The following LRMDA variants were observed in gnomAD, a reference collection of about 807,000 sequenced individuals.
The protein encoded by LRMDA is leucine-rich melanocyte differentiation-associated protein.
LRMDA carries 18 observed loss-of-function variants against 29.8 expected under a neutral mutation model. The ratio of observed to expected loss-of-function variants is 0.60; its 90% CI spans 0.42 to 0.90. The LOEUF (loss-of-function observed/expected upper bound fraction) is 0.90. Ranked by LOEUF, LRMDA falls within the 40% of genes least tolerant of loss-of-function variation. The pLI is 0.00. For missense variants in LRMDA, 273 were observed against 273.9 expected (o/e 1.00, Z 0.02); for synonymous variants, 125 against 109.4 (o/e 1.14, Z -0.89).
chr10:76,282,241 C>A (rs984743833), intron 5 of LRMDA, among the ~76,000 whole-genome samples: 1 of 152,124 alleles, frequency 6.6e-6, no homozygotes, highest in African/African-American at 2.4e-5. Context: ...CCTTGCAGTT[C>A]TATTTGGTTT....
chr10:76,000,365 T>TC (rs1233551594), intron 2 of LRMDA, among the ~76,000 whole-genome samples: 1 of 152,080 alleles, frequency 6.6e-6, no homozygotes, highest in Non-Finnish European at 1.5e-5. Flanking sequence ...GCCATCAGCC[T>TC]CCCTCCCGGT....
At chr10:75,610,064 T>C (rs146102603) in intron 2 of LRMDA, among the ~76,000 whole-genome samples, 337 of 152,288 alleles carry the variant, frequency 2.2e-3, no homozygotes, top group Non-Finnish European at 3.8e-3. Flanking sequence ...CTGGTGAACA[T>C]ACTTAATTTT....
At chr10:76,130,728 C>T (rs1849975873) in intron 5 of LRMDA, among the ~76,000 whole-genome samples, 1 of 152,138 alleles carries the variant, frequency 6.6e-6, no homozygotes, top group Admixed American at 6.5e-5. Flanking sequence ...GGTGCGATCT[C>T]AGCTCACTGC....
At chr10:75,907,872 G>A (rs1175935283) in intron 2 of LRMDA, among the ~76,000 whole-genome samples, 3 of 152,162 alleles carry the variant, frequency 2.0e-5, no homozygotes, top group African/African-American at 7.2e-5. Flanking sequence ...AGGAGTAGAT[G>A]TTGAGGTCCA....
rs386371855 is a variant in LRMDA at position 75,632,782 on chromosome 10, G to GTTTTTTTTTTTTTTTTTTTTTTTTTTTTT, written c.131+194315_131+194316insTTTTTTTTTTTTTTTTTTTTTTTTTTTTT. 6.9e-5 allele frequency among the ~76,000 whole-genome samples: 3 copies of GTTTTTTTTTTTTTTTTTTTTTTTTTTTTT among 43,248 alleles called. 1 individual carries two copies. Among genetic ancestry groups the GTTTTTTTTTTTTTTTTTTTTTTTTTTTTT allele is most frequent in the African/African-American group, 2.5e-4 (3 of 11,832 alleles). 28.4% of individuals were successfully genotyped at this position (43,248 alleles called of 152,430 possible). ...TAGTTTTTTTGTTTAGTTTAGTTTA[G>GTTTTTTTTTTTTTTTTTTTTTTTTTTTTT]TTTTTTTTTTTTTTTTTTTTTTTTT... is the stretch of plus-strand genomic sequence containing the variant. On this transcript the variant is annotated intron_variant, in intron 2 of 6. Coordinates refer to ENST00000611255, the MANE Select transcript of LRMDA (RefSeq NM_001305581.2).
chr10:75,745,734 G>A (rs748921313), intron 2 of LRMDA, among the ~76,000 whole-genome samples: 3 of 152,032 alleles, frequency 2.0e-5, no homozygotes, highest in African/African-American at 7.2e-5. Context: ...TTCCAGCAAC[G>A]AACCCAGGGG....
intron 4 of LRMDA, among the ~76,000 whole-genome samples, chr10:76,056,624 C>T (rs945985563): frequency 9.2e-5 from 14 of 152,188 alleles, no homozygotes; most frequent in African/African-American, 3.4e-4. Context: ...GCTGGTGTTT[C>T]AGTACTGCTC....
At position 76,543,912 on chromosome 10, in the gene LRMDA, C is replaced by G. The variant is rs558677335; in HGVS notation, c.602-13297C>G. Among the ~76,000 whole-genome samples the G allele has an allele frequency of 3.9e-5, 6 of 152,250 alleles. No individual in the cohort carries two copies. The East Asian group carries it at 1.2e-3, about 29-fold the overall frequency. On this transcript the variant is annotated intron_variant, in intron 6 of 6. Transcript: ENST00000611255. ...AGCTTCCTGGAGTCCTGAGCCCCCCCCAGGAGAGGTCATGTGGGCTTCTCC... is the reference window on the plus strand; with the variant it reads ...AGCTTCCTGGAGTCCTGAGCCCCCCGCAGGAGAGGTCATGTGGGCTTCTCC...
At chr10:75,530,278 A>T (rs1440852469) in intron 2 of LRMDA, among the ~76,000 whole-genome samples, 1 of 152,150 alleles carries the variant, frequency 6.6e-6, no homozygotes, top group Non-Finnish European at 1.5e-5. Context: ...TGAAAAAAAA[A>T]AATAACATTG....
At chr10:76,445,637 C>T (rs1445629280) in intron 6 of LRMDA, among the ~76,000 whole-genome samples, 1 of 152,096 alleles carries the variant, frequency 6.6e-6, no homozygotes, top group East Asian at 1.9e-4. Flanking sequence ...TTCAACAAAC[C>T]AGATTGGTGA....
At chr10:75,937,563 A>G (rs1846318623) in intron 2 of LRMDA, among the ~76,000 whole-genome samples, 1 of 152,228 alleles carries the variant, frequency 6.6e-6, no homozygotes, top group African/African-American at 2.4e-5. Context: ...CATGTGCACC[A>G]TCGAGTTGCC....
chr10:75,815,776 C>G (rs1299422394), intron 2 of LRMDA, among the ~76,000 whole-genome samples: 1 of 152,192 alleles, frequency 6.6e-6, no homozygotes, highest in African/African-American at 2.4e-5. Context: ...AATAATCTAA[C>G]ATATTTTGGC....
chr10:75,673,708 C>T (rs1276979084), intron 2 of LRMDA, among the ~76,000 whole-genome samples: 2 of 152,186 alleles, frequency 1.3e-5, no homozygotes, highest in South Asian at 2.1e-4. Flanking sequence ...TTTTTCTCTG[C>T]ACTCTGACCT....
At chr10:75,944,507 T>A (rs919702941) in intron 2 of LRMDA, among the ~76,000 whole-genome samples, 1 of 151,954 alleles carries the variant, frequency 6.6e-6, no homozygotes, top group Middle Eastern at 3.4e-3. Context: ...TTCTGCTCCA[T>A]TCTATTTTTT....
At chr10:75,988,032 A>G (rs974780684) in intron 2 of LRMDA, among the ~76,000 whole-genome samples, 1 of 152,204 alleles carries the variant, frequency 6.6e-6, no homozygotes, top group African/African-American at 2.4e-5. Context: ...TTCGTTTAAA[A>G]GCAGCTGCGA....
At chr10:76,014,130 A>ATATATATATATAAAATTT (rs1486324423) in intron 2 of LRMDA, among the ~76,000 whole-genome samples, 1 of 136,694 alleles carries the variant, frequency 7.3e-6, no homozygotes, top group Non-Finnish European at 1.5e-5. Context: ...ATATAATTAT[A>ATATATATATATAAAATTT]TATATATATA....
At chr10:75,782,597 G>A (rs1843402591) in intron 2 of LRMDA, among the ~76,000 whole-genome samples, 3 of 152,238 alleles carry the variant, frequency 2.0e-5, no homozygotes, top group African/African-American at 2.4e-5. Flanking sequence ...CTGCAATTCC[G>A]GACAGAGAGA....
At chr10:75,983,999 A>G (rs917551352) in intron 2 of LRMDA, among the ~76,000 whole-genome samples, 2 of 152,042 alleles carry the variant, frequency 1.3e-5, no homozygotes, top group African/African-American at 4.8e-5. Context: ...CCTCCTCACA[A>G]TGCTGCTCCC....
chr10:75,755,133 C>T (rs1203383717), intron 2 of LRMDA, among the ~76,000 whole-genome samples: 1 of 151,778 alleles, frequency 6.6e-6, no homozygotes, highest in Admixed American at 6.6e-5. Flanking sequence ...ATAACTTCTT[C>T]TCCTTCCCTT....
Sources: allele counts gnomAD v4.1 joint callset (sites outside exome capture counted in the v4.1 genomes callset), GRCh38; gene constraint gnomAD v4.1.1; transcripts MANE v1.5; gene names NCBI Gene and HGNC (gene_info 2026-07-23, HGNC 2026-07-21).